IGSF1: variants seen among roughly 807,000 people sequenced by gnomAD.
IGSF1 encodes immunoglobulin superfamily member 1.
A neutral mutation model predicts 95.3 loss-of-function variants in IGSF1; 40 were observed. The ratio of observed to expected loss-of-function variants is 0.42; its 90% CI spans 0.33 to 0.55. The LOEUF is 0.55. Among genes scored for constraint, IGSF1 ranks in the 20% least tolerant of loss-of-function variants. The probability of loss-of-function intolerance (pLI) is 0.10; values close to 1 mark genes in which losing one functional copy is unlikely to be tolerated. For missense variants in IGSF1, 906 were observed against 1,025.4 expected, an observed-to-expected ratio of 0.88 and a Z score of 1.59; for synonymous variants, 372 against 382.9, an observed-to-expected ratio of 0.97 and a Z score of 0.33.
Position 131,286,748 on chromosome X carries a change from G to T in IGSF1, c.-67-7C>A. The T allele has an allele frequency of 1.1e-6, 1 of 920,093 alleles. No individual in the cohort carries two copies. Among genetic ancestry groups the T allele is most frequent in the Non-Finnish European group, 1.5e-6 (1 of 676,682 alleles). 75.8% of individuals were successfully genotyped at this position (920,093 alleles called of 1,213,427 possible). A position where few individuals can be genotyped will look rare whatever the true frequency, so the allele number is the denominator to read the frequency against. On this transcript the variant is annotated splice_polypyrimidine_tract_variant and splice_region_variant and intron_variant, in intron 1 of 19. Transcript: ENST00000361420. ...CCTCAGCAGGTGGTGGGATCTAAAA[G>T]CAGAATTGTTTTTACTCAGAGGACT...
At chrX:131,278,785 C>T (rs201073069) in intron 11 of IGSF1, 34 bp from the exon 12 acceptor site, 464 of 1,160,503 alleles carry the variant, frequency 4.0e-4, no homozygotes, top group East Asian at 7.5e-4. Context: ...GCCATCCTCC[C>T]GCCTCCCTTC....
rs764843235 is a variant in IGSF1 at position 131,283,755 on chromosome X, T to G, written c.668-491A>C. The stretch of plus-strand genomic sequence containing the variant: ...CCAGTAAGTCTGCGACCCAAATAAA[T>G]CTTTGTTATGGGGCCACACATTCCT... On this transcript the variant is annotated intron_variant, in intron 5 of 19. Transcript: ENST00000361420. 2.7e-5 allele frequency among the ~76,000 whole-genome samples: 3 copies of G among 112,131 alleles called. No individual in the cohort carries two copies. The East Asian group carries it at 8.4e-4, about 32-fold the overall frequency.
chrX:131,278,837 A>G, intron 11 of IGSF1, 86 bp from the exon 12 acceptor site: 2 of 870,439 alleles, frequency 2.3e-6, no homozygotes, highest in Non-Finnish European at 3.3e-6. Context: ...CCCAGATCAC[A>G]CTGCCCACCT....
At position 131,275,748 on chromosome X, in the gene IGSF1, A is replaced by G; in HGVS notation, c.2914T>C (p.Trp972Arg). 8.3e-7 allele frequency: 1 copy of G among 1,210,231 alleles called. No homozygotes were observed. Among genetic ancestry groups the G allele is most frequent in the Non-Finnish European group, 1.1e-6 (1 of 894,206 alleles). The change falls in exon 16 of 20, where the codon TGG becomes CGG. Residue 972 changes from tryptophan to arginine, a missense_variant. Coordinates refer to ENST00000361420, the MANE Select transcript of IGSF1 (RefSeq NM_001555.5). ...IWVTDTFPKP[W>R]LFAEPSSVVP... ...ACAGAACTGGGCTCAGCAAACAACC[A>G]TGGCTTAGGGAATGTGTCTAGAAAG... is the stretch of plus-strand genomic sequence containing the variant.
Position 131,275,645 on chromosome X carries a change from CCTT to C in IGSF1, c.3014_3016del (p.Glu1005del). On this transcript the variant is annotated inframe_deletion, in exon 16 of 20. Coordinates refer to ENST00000361420, the MANE Select transcript of IGSF1 (RefSeq NM_001555.5). ...CCAGAGCTGCATTGAAGTGGCTTCT[CCTT>C]CTTTGTGCAGAATGTATCCTACTCC... is the stretch of plus-strand genomic sequence containing the variant. 8.3e-7 allele frequency: 1 copy of C among 1,211,560 alleles called. No homozygotes were observed. The highest frequency in any genetic ancestry group is 1.1e-6 in the Non-Finnish European group (1 of 895,339).
intron 13 of IGSF1, 69 bp from the exon 14 acceptor site, chrX:131,277,295 AAG>A: frequency 2.3e-5 from 23 of 989,400 alleles, no homozygotes; most frequent in Non-Finnish European, 3.1e-5. Context: ...AAGAACAAGA[AAG>A]AGAGAAAGCA....
chrX:131,278,208 G>A (rs777911553), intron 12 of IGSF1, 74 bp from the exon 13 acceptor site: 3 of 1,011,821 alleles, frequency 3.0e-6, no homozygotes, highest in African/African-American at 3.8e-5. Flanking sequence ...GGGTCACTTT[G>A]TCAGCAAATA....
intron 14 of IGSF1, 149 bp downstream of exon 14, chrX:131,276,790 C>G (rs1014915858): frequency 2.0e-6 from 1 of 505,785 alleles, no homozygotes; most frequent in South Asian, 3.1e-5. Flanking sequence ...AGCAGCTGTG[C>G]ATCATGGACT....
rs367797060 is a variant in IGSF1 at position 131,281,798 on chromosome X, C to A, written c.1393G>T (p.Val465Leu). The A allele has an allele frequency of 4.1e-6, 5 of 1,209,666 alleles. No individual in the cohort carries two copies. In the African/African-American group the frequency reaches 8.8e-5, roughly 21 times the overall value. Residue 465 changes from valine (V) to leucine (L), a missense_variant, in exon 8 of 20, where the codon GTA becomes TTA. By Grantham distance (32) the Val-to-Leu change is conservative. Coordinates refer to ENST00000361420, the MANE Select transcript of IGSF1 (RefSeq NM_001555.5). ...TTACTGATGATGAAGTCTCCGTTTACTGAGAATTTTTGGAATGTTTCTCTT... is the reference window on the plus strand; with the variant it reads ...TTACTGATGATGAAGTCTCCGTTTAATGAGAATTTTTGGAATGTTTCTCTT... ...EERETFQKFS[V>L]NGDFIISNVD...
In IGSF1 at chrX:131,281,734, T is replaced by C; in HGVS notation, c.1457A>G (p.Tyr486Cys). Residue 486 changes from tyrosine to cysteine, a missense_variant, in exon 8 of 20, where the codon TAT becomes TGT. Tyr to Cys is a radical substitution (Grantham distance 194). Transcript: ENST00000361420. ...GATGTTAGGATGTGTCTCTACGCGA[T>C]AGCTGCAACTGTAGGTCCCTGTGCC... ...GKGTGTYSCS[Y>C]RVETHPNIWS... The C allele has an allele frequency of 1.7e-6, 2 of 1,210,759 alleles. No homozygotes were observed. The highest frequency in any genetic ancestry group is 2.2e-6 in the Non-Finnish European group (2 of 894,427).
intron 11 of IGSF1, 114 bp from the exon 12 acceptor site, chrX:131,278,865 C>T: frequency 1.4e-6 from 1 of 713,062 alleles, no homozygotes; most frequent in Non-Finnish European, 2.1e-6. Context: ...CAACCCAAAT[C>T]CAAACCCTTT....
Position 131,276,128 on chromosome X carries a change from C to G in IGSF1, c.2729G>C (p.Gly910Ala). The G allele has an allele frequency of 8.3e-7, 1 of 1,210,844 alleles. No homozygotes were observed. The highest frequency in any genetic ancestry group is 3.0e-5 in the East Asian group (1 of 33,825). Residue 910 changes from glycine to alanine, a missense_variant, in exon 15 of 20, where the codon GGA becomes GCA. Gly to Ala is a moderately conservative substitution (Grantham distance 60). Transcript: ENST00000361420. ...QGMRFALLQE[G>A]AHVPLQFRSV... ...CCGAAACTGTAAGGGAACATGGGCT[C>G]CCTCCTGCAAGAGGGCGAACCTCAT...
intron 19 of IGSF1, 62 bp from the exon 20 acceptor site, chrX:131,273,993 G>A (rs750050554): frequency 3.2e-5 from 38 of 1,199,735 alleles, no homozygotes; most frequent in Non-Finnish European, 4.2e-5. Context: ...ATTGCACGGT[G>A]GGGCTCAGAT....
Position 131,274,850 on chromosome X carries a change from G to A in IGSF1, c.3500C>T (p.Ala1167Val), listed in dbSNP as rs201123183. 2 of 1,209,798 alleles carry A rather than the reference G, an allele frequency of 1.7e-6. No individual in the cohort carries two copies. The highest frequency in any genetic ancestry group is 2.2e-6 in the Non-Finnish European group (2 of 895,052). The part of the protein sequence containing the change: ...TDKPPKPSLS[A>V]WPSTMFKLGK... Reference sequence around the variant, plus strand: ...TAACTTGAACATGGTGCTGGGCCAGGCTGACAGAGAGGGTTTAGGGGGCTT... The same window carrying A: ...TAACTTGAACATGGTGCTGGGCCAGACTGACAGAGAGGGTTTAGGGGGCTT... Residue 1167 changes from alanine (A) to valine (V), a missense_variant, in exon 18 of 20, where the codon GCC (alanine) becomes GTC (valine). Transcript: ENST00000361420.
At chrX:131,286,843 C>A (rs760528570) in intron 1 of IGSF1, 102 bp from the exon 2 acceptor site, 2 of 387,831 alleles carry the variant, frequency 5.2e-6, no homozygotes, top group African/African-American at 2.7e-5. Flanking sequence ...TACTTCCTCA[C>A]AGGCATGCAG....
In IGSF1 at chrX:131,276,917, A is replaced by G. The variant is rs201310174; in HGVS notation, c.2608+22T>C. On this transcript the variant is annotated intron_variant, in intron 14 of 19. Transcript: ENST00000361420. ...CCATCCCAGGGTTGGCACCACCTCTACCTGGAGTCCCCCCTCCTAACCTGT... is the reference window on the plus strand; with the variant it reads ...CCATCCCAGGGTTGGCACCACCTCTGCCTGGAGTCCCCCCTCCTAACCTGT... 1.7e-4 allele frequency: 206 copies of G among 1,198,251 alleles called. No individual in the cohort carries two copies. The East Asian group carries it at 4.7e-3, about 27-fold the overall frequency.
chrX:131,278,543 G>C lies in IGSF1; in HGVS notation c.1959C>G (p.Ser653Arg). ...AATGGCAGTGGTAGCTCCCGGTGTG[G>C]CTCTGGGTCAGGGCGCCAAGGGGGA... Reference protein sequence around the residue: ...AAFPLGALTQSHTGSYHCHSW... With the variant: ...AAFPLGALTQRHTGSYHCHSW... Residue 653 changes from serine to arginine, a missense_variant, in exon 12 of 20, where the codon AGC becomes AGG. Ser to Arg is a moderately radical substitution (Grantham distance 110, BLOSUM62 -1). Coordinates refer to ENST00000361420, the MANE Select transcript of IGSF1 (RefSeq NM_001555.5). 2 of 1,211,091 alleles carry C rather than the reference G, an allele frequency of 1.7e-6. No homozygotes were observed. The highest frequency in any genetic ancestry group is 5.9e-5 in the East Asian group (2 of 33,825).
At position 131,286,590 on chromosome X, in the gene IGSF1, C is replaced by G. The variant is rs370083445; in HGVS notation, c.70+15G>C. ...TGACAGGGTCACTTGCCCCTCACCC[C>G]TTCCTTGTACTCACGAATGCAAAAG... is the stretch of plus-strand genomic sequence containing the variant. On this transcript the variant is annotated intron_variant, in intron 2 of 19. Coordinates refer to ENST00000361420, the MANE Select transcript of IGSF1 (RefSeq NM_001555.5). 3.3e-6 allele frequency: 4 copies of G among 1,200,483 alleles called. No homozygotes were observed. The highest frequency in any genetic ancestry group is 4.5e-6 in the Non-Finnish European group (4 of 889,044).
intron 4 of IGSF1, 61 bp from the exon 5 acceptor site, chrX:131,285,527 C>A: frequency 9.3e-7 from 1 of 1,080,853 alleles, no homozygotes; most frequent in South Asian, 2.2e-5. Context: ...TAGGGAGCAG[C>A]AGAGGAGAGC....
Sources: allele counts gnomAD v4.1 joint callset (sites outside exome capture counted in the v4.1 genomes callset), GRCh38; gene constraint gnomAD v4.1.1; transcripts MANE v1.5; gene names NCBI Gene and HGNC (gene_info 2026-07-23, HGNC 2026-07-21).